The following SPAG16 variants were observed in gnomAD, a reference collection of about 807,000 sequenced individuals.
The protein encoded by SPAG16 is sperm-associated antigen 16 protein.
SPAG16 carries 86 observed loss-of-function variants against 80.4 expected under a neutral mutation model. The ratio of observed to expected loss-of-function variants is 1.07; its 90% CI spans 0.90 to 1.28. SPAG16 has a LOEUF of 1.28. Among genes scored for constraint, SPAG16 ranks in the 50% most tolerant of loss-of-function variants. SPAG16 has a pLI of 0.00. For synonymous variants in SPAG16, 294 were observed against 265.9 expected (o/e 1.11, Z -1.03); for missense variants, 870 against 765.3 (o/e 1.14, Z -1.61).
chr2:214,120,916 A>T (rs1341309705), intron 14 of SPAG16, among the ~76,000 whole-genome samples: 3 of 151,912 alleles, frequency 2.0e-5, no homozygotes, highest in Admixed American at 6.6e-5. Context: ...AACATCTGAT[A>T]TCTCATTAAA....
At chr2:213,642,220 A>G (rs1347792166) in intron 10 of SPAG16, among the ~76,000 whole-genome samples, 1 of 152,170 alleles carries the variant, frequency 6.6e-6, no homozygotes, top group African/African-American at 2.4e-5. Context: ...CACTTCTTCC[A>G]AAGGGTTTGT....
At chr2:213,539,990 G>A (rs568223072) in intron 10 of SPAG16, among the ~76,000 whole-genome samples, 5 of 149,704 alleles carry the variant, frequency 3.3e-5, no homozygotes, top group Non-Finnish European at 3.0e-5. Flanking sequence ...GAAATAAATC[G>A]AGTTTCTTAT....
Position 213,845,803 on chromosome 2 carries a change from C to G in SPAG16, c.1071-16682C>G, listed in dbSNP as rs146500095. ...AGCTGGGCTCAACTGGTTGGTTATTCTCTTCTTAACTGAACTCACTCAGAT... is the reference window on the plus strand; with the variant it reads ...AGCTGGGCTCAACTGGTTGGTTATTGTCTTCTTAACTGAACTCACTCAGAT... On this transcript the variant is annotated intron_variant, in intron 10 of 15. Transcript: ENST00000331683. Among the ~76,000 whole-genome samples the G allele has an allele frequency of 2.0e-4, 30 of 152,256 alleles. No individual in the cohort carries two copies. In the East Asian group the frequency reaches 3.3e-3, roughly 17 times the overall value.
At chr2:213,427,846 A>G (rs554091031) in intron 9 of SPAG16, among the ~76,000 whole-genome samples, 1 of 152,322 alleles carries the variant, frequency 6.6e-6, no homozygotes, top group East Asian at 1.9e-4. Context: ...GTTTTTCTGG[A>G]AAGTGGCTAT....
chr2:213,787,963 C>T (rs930917402), intron 10 of SPAG16, among the ~76,000 whole-genome samples: 10 of 151,954 alleles, frequency 6.6e-5, no homozygotes, highest in Non-Finnish European at 1.5e-5. Context: ...TTGAGAAAGA[C>T]TAACATATAT....
At chr2:213,468,737 T>C (rs1376231846) in intron 9 of SPAG16, among the ~76,000 whole-genome samples, 1 of 149,652 alleles carries the variant, frequency 6.7e-6, no homozygotes, top group Admixed American at 6.7e-5. Flanking sequence ...TATATATATC[T>C]CCTACATATA....
chr2:213,534,394 C>G (rs116695687), intron 10 of SPAG16, among the ~76,000 whole-genome samples: 2,197 of 151,910 alleles, frequency 0.014, 21 homozygotes, highest in South Asian at 0.036. Context: ...AAGTATATAC[C>G]CCAATAATTG....
intron 10 of SPAG16, among the ~76,000 whole-genome samples, chr2:213,640,664 T>C (rs1192380798): frequency 6.6e-6 from 1 of 152,150 alleles, no homozygotes; most frequent in Non-Finnish European, 1.5e-5. Context: ...GAGAGCGAAT[T>C]TGAGGCTGTG....
chr2:214,057,336 C>G (rs949546479), intron 13 of SPAG16, among the ~76,000 whole-genome samples: 2 of 152,096 alleles, frequency 1.3e-5, no homozygotes, highest in Non-Finnish European at 2.9e-5. Flanking sequence ...TATCAGGCAT[C>G]AAAACAACAC....
At chr2:214,329,244 C>A (rs1263051694) in intron 15 of SPAG16, among the ~76,000 whole-genome samples, 1 of 152,182 alleles carries the variant, frequency 6.6e-6, no homozygotes, top group African/African-American at 2.4e-5. Context: ...AGCAGAAAAT[C>A]AAGTTCAAAA....
intron 11 of SPAG16, among the ~76,000 whole-genome samples, chr2:213,891,440 T>C (rs2076782883): frequency 6.6e-6 from 1 of 152,154 alleles, no homozygotes. Context: ...ACAATCATTC[T>C]GAGGTGATCT....
chr2:214,321,369 A>G (rs997054871), intron 15 of SPAG16, among the ~76,000 whole-genome samples: 2 of 152,184 alleles, frequency 1.3e-5, no homozygotes, highest in African/African-American at 4.8e-5. Flanking sequence ...GCCACTGAAG[A>G]TATTAGTAGG....
chr2:214,278,015 G>T (rs1692604263), intron 15 of SPAG16, among the ~76,000 whole-genome samples: 1 of 152,208 alleles, frequency 6.6e-6, no homozygotes, highest in Non-Finnish European at 1.5e-5. Flanking sequence ...CTCAGCAATG[G>T]CGGATGCCCC....
chr2:213,660,122 C>A (rs1198580046), intron 10 of SPAG16, among the ~76,000 whole-genome samples: 3 of 152,162 alleles, frequency 2.0e-5, no homozygotes, highest in Admixed American at 1.3e-4. Flanking sequence ...ACTGCTTTCA[C>A]ATATAACACA....
rs564996078 is a variant in SPAG16, at chr2:214,320,649, AG to A, written c.1721-89488del. Among the ~76,000 whole-genome samples the A allele has an allele frequency of 3.4e-3, 516 of 152,306 alleles. 2 individuals carry two copies. The highest frequency in any genetic ancestry group is 4.9e-3 in the Non-Finnish European group (331 of 68,026). On this transcript the variant is annotated intron_variant, in intron 15 of 15. Transcript: ENST00000331683. ...TCTTCACAGTGCAGTAGGAAGGAGA[AG>A]GGCTGTGCAAAGGGGGCAGGGCGCC...
At chr2:213,403,743 A>G (rs912794509) in intron 9 of SPAG16, among the ~76,000 whole-genome samples, 7 of 152,194 alleles carry the variant, frequency 4.6e-5, no homozygotes, top group South Asian at 4.1e-4. Flanking sequence ...AGCGTATTCA[A>G]TTAGGAAAAG....
intron 10 of SPAG16, among the ~76,000 whole-genome samples, chr2:213,804,607 C>G (rs898533295): frequency 8.5e-5 from 13 of 152,154 alleles, no homozygotes; most frequent in South Asian, 2.1e-4. Context: ...GGCGTGAACC[C>G]TGGAGGCGGA....
intron 12 of SPAG16, among the ~76,000 whole-genome samples, chr2:213,930,642 G>A (rs1275580017): frequency 6.6e-6 from 1 of 152,092 alleles, no homozygotes; most frequent in Non-Finnish European, 1.5e-5. Context: ...ATACTGTATT[G>A]TATGTAAAAT....
At chr2:214,141,523 T>C (rs2125538491) in intron 14 of SPAG16, among the ~76,000 whole-genome samples, 1 of 152,170 alleles carries the variant, frequency 6.6e-6, no homozygotes, top group South Asian at 2.1e-4. Context: ...CTCACCATTA[T>C]ATATTTTGAC....
Sources: allele counts gnomAD v4.1 joint callset (sites outside exome capture counted in the v4.1 genomes callset), GRCh38; gene constraint gnomAD v4.1.1; transcripts MANE v1.5; gene names NCBI Gene and HGNC (gene_info 2026-07-23, HGNC 2026-07-21).